Variants in ACOT7 observed in about 807,000 individuals in gnomAD.
ACOT7 encodes acyl-CoA thioesterase 7, also known as cytosolic acyl coenzyme A thioester hydrolase.
ACOT7 carries 12 observed loss-of-function variants against 40.2 expected under a neutral mutation model. The ratio of observed to expected loss-of-function variants is 0.30; its 90% CI spans 0.19 to 0.48. ACOT7 has a LOEUF of 0.48. Among genes scored for constraint, ACOT7 ranks in the 20% least tolerant of loss-of-function variants. The pLI is 0.99. For missense variants in ACOT7, 395 were observed against 530.8 expected (o/e 0.74, Z 2.51); for synonymous variants, 228 against 219.5 (o/e 1.04, Z -0.34).
chr1:6,334,664 G>C (rs1288682919), intron 3 of ACOT7, among the ~76,000 whole-genome samples: 2 of 152,268 alleles, frequency 1.3e-5, no homozygotes, highest in Non-Finnish European at 2.9e-5. Context: ...CCCACCCACA[G>C]AGCAAAGTGG....
chr1:6,375,798 C>A (rs1642218758), intron 1 of ACOT7, among the ~76,000 whole-genome samples: 3 of 151,838 alleles, frequency 2.0e-5, no homozygotes. Flanking sequence ...ATTAGCCGGG[C>A]GTGGTGGCGG....
chr1:6,391,054 G>A (rs1015952538), intron 1 of ACOT7, among the ~76,000 whole-genome samples: 1 of 151,980 alleles, frequency 6.6e-6, no homozygotes, highest in Non-Finnish European at 1.5e-5. Flanking sequence ...CCAGCACTTT[G>A]AGAGGCTGAG....
intron 1 of ACOT7, among the ~76,000 whole-genome samples, chr1:6,353,384 C>T (rs911556431): frequency 3.3e-5 from 5 of 152,180 alleles, no homozygotes; most frequent in Admixed American, 3.3e-4. Context: ...GTAATCCCAG[C>T]ACTTACAGAG....
rs569534510 is a variant in ACOT7, at chr1:6,289,108, A to T, written c.829+5756T>A. ...CACTGTTTTCTGGTTATTTTATTTT[A>T]TTTTTTTTTGAGACGGAGTCTCGCT... On this transcript the variant is annotated intron_variant, in intron 7 of 8. Transcript: ENST00000361521. The surrounding 1 kb of genome is among the most constrained non-coding windows in gnomAD (Gnocchi z 4.6). 2.0e-5 allele frequency among the ~76,000 whole-genome samples: 3 copies of T among 151,112 alleles called. No homozygotes were observed. The highest frequency in any genetic ancestry group is 2.1e-4 in the South Asian group (1 of 4,748).
chr1:6,343,069 G>A (rs911829696), intron 2 of ACOT7, among the ~76,000 whole-genome samples: 7 of 152,184 alleles, frequency 4.6e-5, no homozygotes, highest in Non-Finnish European at 8.8e-5. Context: ...TTCCCAGGGC[G>A]GGCAGGGAGC....
intron 7 of ACOT7, among the ~76,000 whole-genome samples, chr1:6,283,734 A>C (rs539259483): frequency 8.5e-5 from 13 of 152,350 alleles, no homozygotes; most frequent in Non-Finnish European, 1.6e-4. Context: ...TTTCAATTAC[A>C]ACCAAAATCT....
intron 3 of ACOT7, among the ~76,000 whole-genome samples, chr1:6,335,096 C>T (rs1313734721): frequency 1.3e-5 from 2 of 151,692 alleles, no homozygotes; most frequent in South Asian, 4.2e-4. Flanking sequence ...TTTGGGAGGC[C>T]GAGGCAGGCG....
chr1:6,325,402 T>TA (rs111792791), intron 5 of ACOT7, among the ~76,000 whole-genome samples: 23,204 of 145,424 alleles, frequency 0.16, 1,965 homozygotes, highest in African/African-American at 0.24. Flanking sequence ...TGCCTCAAAT[T>TA]AAAAAAAAAA....
chr1:6,287,672 G>A (rs1313269407), intron 7 of ACOT7, among the ~76,000 whole-genome samples: 3 of 152,180 alleles, frequency 2.0e-5, no homozygotes, highest in African/African-American at 4.8e-5. Context: ...GCAGACGGGC[G>A]TCTCTCCAGG....
rs1640166839 is a variant in ACOT7, at chr1:6,306,713, C to T, written c.713-11733G>A. ...TGATCCCCCTAGACCAGAAGTTCCT[C>T]AAGAGTAGGGAACAGCTCTTCGTCC... On this transcript the variant is annotated intron_variant, in intron 6 of 8. Coordinates refer to ENST00000361521, the MANE Select transcript of ACOT7 (RefSeq NM_007274.4). The surrounding 1 kb of genome is among the most constrained non-coding windows in gnomAD (Gnocchi z 4.3). The T allele has an allele frequency of 9.9e-6, 12 of 1,208,880 alleles. No individual in the cohort carries two copies. The highest frequency in any genetic ancestry group is 2.9e-5 in the South Asian group (2 of 67,924). 74.9% of individuals were successfully genotyped at this position (1,208,880 alleles called of 1,614,324 possible). A position where few individuals can be genotyped will look rare whatever the true frequency, so the allele number is the denominator to read the frequency against.
chr1:6,362,781 C>T (rs1047917839), intron 1 of ACOT7, among the ~76,000 whole-genome samples: 148 of 151,444 alleles, frequency 9.8e-4, no homozygotes, highest in African/African-American at 3.5e-3. Context: ...TAGGCGCGGT[C>T]GTGCACGCCT....
rs1273946941 is a variant in ACOT7, at chr1:6,278,934, G to T, written c.1014+2168C>A. On this transcript the variant is annotated intron_variant, in intron 8 of 8. Transcript: ENST00000361521. The surrounding 1 kb of genome is among the most constrained non-coding windows in gnomAD (Gnocchi z 4.1). ...AGGGAAGACAGAACTGGGAAAGTTT[G>T]TCCAGGAGGCAGGAAGAGGTAGGGG... 6.6e-6 allele frequency among the ~76,000 whole-genome samples: 1 copy of T among 152,196 alleles called. No individual in the cohort carries two copies. The highest frequency in any genetic ancestry group is 1.5e-5 in the Non-Finnish European group (1 of 68,030).
Position 6,275,487 on chromosome 1 carries a change from C to T in ACOT7, c.1014+5615G>A, listed in dbSNP as rs1424324274. Among the ~76,000 whole-genome samples, 2 of 152,100 alleles carry T rather than the reference C, an allele frequency of 1.3e-5. No individual in the cohort carries two copies. Among genetic ancestry groups the T allele is most frequent in the East Asian group, 3.9e-4 (2 of 5,182 alleles). On this transcript the variant is annotated intron_variant, in intron 8 of 8. Coordinates refer to ENST00000361521, the MANE Select transcript of ACOT7 (RefSeq NM_007274.4). The surrounding 1 kb of genome is among the most constrained non-coding windows in gnomAD (Gnocchi z 5.6). ...GTAGCTCACGCCTGTAATCCTAGCA[C>T]TTTGGGAGGCCGAGGCAGGTGGATC...
At chr1:6,296,283 A>C (rs1553156403) in intron 6 of ACOT7, among the ~76,000 whole-genome samples, 1 of 152,194 alleles carries the variant, frequency 6.6e-6, no homozygotes, top group Non-Finnish European at 1.5e-5. Context: ...TCACTGAAAG[A>C]ATACTGGAGA....
chr1:6,336,834 C>A (rs925210769), intron 3 of ACOT7, among the ~76,000 whole-genome samples: 11 of 152,122 alleles, frequency 7.2e-5, no homozygotes, highest in African/African-American at 2.4e-4. Context: ...ATAGAGACTG[C>A]AGAGAGAGAT....
rs1178874977 is a variant in ACOT7 at position 6,282,866 on chromosome 1, T to C, written c.830-1580A>G. ...CGCACCCCGGGAGGAGGGCAGGCCA[T>C]GGGTCAGGCCCCAGCTAAGGAGCTA... On this transcript the variant is annotated intron_variant, in intron 7 of 8. Coordinates refer to ENST00000361521, the MANE Select transcript of ACOT7 (RefSeq NM_007274.4). The surrounding 1 kb of genome is among the most constrained non-coding windows in gnomAD (Gnocchi z 4.5). The C allele has an allele frequency of 8.8e-7, 1 of 1,132,380 alleles. No individual in the cohort carries two copies. Among genetic ancestry groups the C allele is most frequent in the African/African-American group, 1.6e-5 (1 of 62,118 alleles). The allele number at this position is 1,132,380 out of a possible 1,614,324, so 70.1% of individuals were successfully genotyped here.
At chr1:6,291,871 TC>T (rs1639674610) in intron 7 of ACOT7, among the ~76,000 whole-genome samples, 1 of 152,050 alleles carries the variant, frequency 6.6e-6, no homozygotes, top group South Asian at 2.1e-4. Context: ...GGGCCGTGCC[TC>T]CCCGCACAGC....
chr1:6,361,433 T>C (rs1641892447), intron 1 of ACOT7, among the ~76,000 whole-genome samples: 1 of 152,148 alleles, frequency 6.6e-6, no homozygotes, highest in South Asian at 2.1e-4. Flanking sequence ...GTGAATCCAT[T>C]AAGGTTCACG....
chr1:6,291,177 T>C (rs1639651989), intron 7 of ACOT7, among the ~76,000 whole-genome samples: 1 of 151,662 alleles, frequency 6.6e-6, no homozygotes, highest in Non-Finnish European at 1.5e-5. Flanking sequence ...AACTTCAGAG[T>C]GGGGCCTTAT....
Sources: allele counts gnomAD v4.1 joint callset (sites outside exome capture counted in the v4.1 genomes callset), GRCh38; gene constraint gnomAD v4.1.1; non-coding constraint Gnocchi (gnomAD v3.1); transcripts MANE v1.5; gene names NCBI Gene and HGNC (gene_info 2026-07-23, HGNC 2026-07-21).